The following GSE1 variants were observed in gnomAD, a reference collection of about 807,000 sequenced individuals.
GSE1 encodes genetic suppressor element 1.
Under a neutral mutation model 112.6 loss-of-function variants are expected in GSE1, and 32 were observed. That is an observed-to-expected ratio of 0.28 (90% confidence interval 0.21 to 0.38). GSE1 has a LOEUF of 0.38. Among genes scored for constraint, GSE1 ranks in the 10% least tolerant of loss-of-function variants. The probability of loss-of-function intolerance (pLI) is 1.00; values close to 1 mark genes in which losing one functional copy is unlikely to be tolerated. For synonymous variants in GSE1, 1,115 were observed against 735.6 expected (o/e 1.52, Z -8.35); for missense variants, 2,348 against 1,699.2 (o/e 1.38, Z -6.71).
At chr16:85,189,835 C>T (rs1292777165) in intron 1 of GSE1, among the ~76,000 whole-genome samples, 2 of 152,156 alleles carry the variant, frequency 1.3e-5, no homozygotes, top group African/African-American at 2.4e-5. Flanking sequence ...TATTATCTTT[C>T]TAATGCCTGT....
At chr16:85,484,579 C>T (rs2050776256) in intron 2 of GSE1, among the ~76,000 whole-genome samples, 1 of 152,268 alleles carries the variant, frequency 6.6e-6, no homozygotes, top group Admixed American at 6.5e-5. Flanking sequence ...CTTCAGGGGC[C>T]AGGCCCATTG....
chr16:85,506,854 A>G (rs1167947287), intron 2 of GSE1, among the ~76,000 whole-genome samples: 1 of 152,092 alleles, frequency 6.6e-6, no homozygotes, highest in East Asian at 1.9e-4. Context: ...TAGCTTAGTG[A>G]GGGGACAGTG....
intron 1 of GSE1, among the ~76,000 whole-genome samples, chr16:85,255,432 G>A (rs1249677171): frequency 7.0e-6 from 1 of 142,436 alleles, no homozygotes; most frequent in African/African-American, 2.6e-5. Context: ...TTTTTTTTGA[G>A]ACGGAGTCTT....
intron 2 of GSE1, among the ~76,000 whole-genome samples, chr16:85,529,423 A>C (rs1420359468): frequency 6.6e-6 from 1 of 152,178 alleles, no homozygotes; most frequent in African/African-American, 2.4e-5. Flanking sequence ...TATTGCCAAT[A>C]TTTACAATTA....
intron 2 of GSE1, among the ~76,000 whole-genome samples, chr16:85,508,830 T>C (rs2051632523): frequency 6.6e-6 from 1 of 152,204 alleles, no homozygotes; most frequent in South Asian, 2.1e-4. Flanking sequence ...GAAAGGTTCG[T>C]AACTGTGTGC....
At chr16:85,589,934 C>T (rs972366438) in intron 1 of GSE1, among the ~76,000 whole-genome samples, 2 of 151,618 alleles carry the variant, frequency 1.3e-5, no homozygotes, top group Admixed American at 6.6e-5. Flanking sequence ...TGAATGTGAA[C>T]GTGTGTGACA....
chr16:85,661,352 G>T lies in GSE1; in HGVS notation c.1847G>T (p.Arg616Leu). Residue 616 changes from arginine (R) to leucine (L), a missense_variant, in exon 9 of 16, where the codon CGC becomes CTC. Physicochemically the swap from Arg to Leu is moderately radical, Grantham distance 102. Transcript: ENST00000253458. ...HSHPAAFEPSRQAAVPLVKVE... is the reference protein window; with the variant it reads ...HSHPAAFEPSLQAAVPLVKVE... ...CACCCGGCTGCATTTGAGCCCAGCC[G>T]CCAGGCAGCCGTGCCGCTGGTGAAG... The T allele has an allele frequency of 6.2e-7, 1 of 1,612,136 alleles. No individual in the cohort carries two copies. Among genetic ancestry groups the T allele is most frequent in the African/African-American group, 1.3e-5 (1 of 75,054 alleles).
rs2052594164 is a variant in GSE1, at chr16:85,663,458, C to G, written c.2488C>G (p.Pro830Ala). The G allele has an allele frequency of 6.2e-7, 1 of 1,613,924 alleles. No homozygotes were observed. The highest frequency in any genetic ancestry group is 1.3e-5 in the African/African-American group (1 of 75,018). Residue 830 changes from proline (P) to alanine (A), a missense_variant, in exon 11 of 16, where the codon CCA (proline) becomes GCA (alanine). Pro to Ala is a conservative substitution (Grantham distance 27). Transcript: ENST00000253458. ...GCTGCGAGAGAGAAGCCCGTCGCCCCCAACAATTCAGAGCAAGCGGCAGAC... is the reference window on the plus strand; with the variant it reads ...GCTGCGAGAGAGAAGCCCGTCGCCCGCAACAATTCAGAGCAAGCGGCAGAC... ...RMLRERSPSP[P>A]TIQSKRQTPS...
rs575140869 is a variant in GSE1 at position 85,269,275 on chromosome 16, A to G, written c.2284-88188A>G. Among the ~76,000 whole-genome samples, 345 of 149,596 alleles carry G rather than the reference A, an allele frequency of 2.3e-3. 5 individuals are homozygous for G. Among genetic ancestry groups the G allele is most frequent in the African/African-American group, 8.0e-3 (333 of 41,400 alleles). On this transcript the variant is annotated intron_variant, in intron 1 of 2. Transcript: ENST00000637419. ...GCTGCCAGGCCCTTCCTGGGGGAGCATCCCACGTCCTTCCCCTGTGTCCCA... is the reference window on the plus strand; with the variant it reads ...GCTGCCAGGCCCTTCCTGGGGGAGCGTCCCACGTCCTTCCCCTGTGTCCCA...
At chr16:85,209,714 C>T (rs138455725) in intron 1 of GSE1, among the ~76,000 whole-genome samples, 28 of 152,314 alleles carry the variant, frequency 1.8e-4, no homozygotes, top group South Asian at 8.3e-4. Flanking sequence ...CACGTGATCC[C>T]GAGGCTGGGA....
At chr16:85,630,511 G>C (rs117854425) in intron 1 of GSE1, among the ~76,000 whole-genome samples, 10 of 152,164 alleles carry the variant, frequency 6.6e-5, no homozygotes, top group African/African-American at 2.4e-4. Flanking sequence ...TACAGAGACA[G>C]CGTCTATGCT....
intron 1 of GSE1, among the ~76,000 whole-genome samples, chr16:85,624,056 G>T (rs1419392437): frequency 6.6e-6 from 1 of 152,208 alleles, no homozygotes; most frequent in Non-Finnish European, 1.5e-5. Context: ...ACACTGGGGA[G>T]AGGAGAGGGG....
chr16:85,520,224 C>T (rs2052134692), intron 2 of GSE1, among the ~76,000 whole-genome samples: 1 of 152,016 alleles, frequency 6.6e-6, no homozygotes, highest in South Asian at 2.1e-4. Context: ...AAGGGGGGAC[C>T]CTTTAACAGG....
intron 1 of GSE1, among the ~76,000 whole-genome samples, chr16:85,601,585 C>A (rs985647347): frequency 1.3e-5 from 2 of 152,186 alleles, no homozygotes; most frequent in Non-Finnish European, 2.9e-5. Context: ...CCGGCAGACA[C>A]CCAGAAGGGC....
chr16:85,458,237 G>A (rs1304390653), intron 2 of GSE1, among the ~76,000 whole-genome samples: 10 of 152,236 alleles, frequency 6.6e-5, no homozygotes, highest in Admixed American at 3.3e-4. Context: ...GCTGGATGCC[G>A]TGGGACACTT....
At chr16:85,392,327 G>A (rs1489485756) in intron 2 of GSE1, among the ~76,000 whole-genome samples, 1 of 152,228 alleles carries the variant, frequency 6.6e-6, no homozygotes, top group Non-Finnish European at 1.5e-5. Flanking sequence ...TTAAATTTCA[G>A]ATAAACAACA....
At chr16:85,250,480 A>T (rs1283176652) in intron 1 of GSE1, among the ~76,000 whole-genome samples, 1 of 151,632 alleles carries the variant, frequency 6.6e-6, no homozygotes, top group Non-Finnish European at 1.5e-5. Context: ...GCCTCCCCCG[A>T]CCCCCTACCG....
At chr16:85,289,723 A>G (rs1414435795) in intron 1 of GSE1, among the ~76,000 whole-genome samples, 1 of 152,108 alleles carries the variant, frequency 6.6e-6, no homozygotes, top group Non-Finnish European at 1.5e-5. Flanking sequence ...TTTGCTGGTG[A>G]AGGACATGGC....
intron 1 of GSE1, among the ~76,000 whole-genome samples, chr16:85,619,435 G>A (rs959100380): frequency 8.1e-5 from 12 of 147,396 alleles, no homozygotes; most frequent in Admixed American, 1.3e-4. Flanking sequence ...GGGGGGTGGG[G>A]CGCAGCCTTA....
Sources: allele counts gnomAD v4.1 joint callset (sites outside exome capture counted in the v4.1 genomes callset), GRCh38; gene constraint gnomAD v4.1.1; transcripts MANE v1.5; gene names NCBI Gene and HGNC (gene_info 2026-07-23, HGNC 2026-07-21).